The following BRIP1 variants were observed in gnomAD, a reference collection of about 807,000 sequenced individuals.
BRIP1 encodes the protein BRCA1 interacting DNA helicase 1.
Under a neutral mutation model 119.7 loss-of-function variants are expected in BRIP1, and 88 were observed. The ratio of observed to expected loss-of-function variants is 0.74; its 90% confidence interval spans 0.62 to 0.88. The LOEUF (loss-of-function observed/expected upper bound fraction) is 0.88, where lower values mean the gene tolerates loss of function less well. BRIP1 is among the 40% of genes least tolerant of loss of function. The pLI is 0.00. For missense variants in BRIP1, 1,259 were observed against 1,455.4 expected (o/e 0.87, Z 2.20); for synonymous variants, 443 against 496.5 (o/e 0.89, Z 1.43).
Position 61,775,703 on chromosome 17 carries a change from C to T in BRIP1, c.2097+698G>A, listed in dbSNP as rs1021068667. Among the ~76,000 whole-genome samples, 4 of 151,938 alleles carry T rather than the reference C, an allele frequency of 2.6e-5. No homozygotes were observed. The highest frequency in any genetic ancestry group is 2.1e-4 in the South Asian group (1 of 4,820). On this transcript the variant is annotated intron_variant, in intron 14 of 19. Coordinates refer to ENST00000259008, the MANE Select transcript of BRIP1 (RefSeq NM_032043.3). The surrounding 1 kb of genome is among the most constrained non-coding windows in gnomAD (Gnocchi z 4.4). ...GATACATGAAGTAAAATGAGGGCAA[C>T]GAAGAAAGTTTGGCTTAGATTAACT...
chr17:61,765,379 T>TTATATATATA (rs1287538931), intron 14 of BRIP1, among the ~76,000 whole-genome samples: 7 of 37,744 alleles, frequency 1.9e-4, no homozygotes, highest in African/African-American at 3.3e-4. Context: ...TGTGTATATA[T>TTATATATATA]TATATATATA....
rs1009186085 is a variant in BRIP1, at chr17:61,757,090, T to C, written c.2098-12499A>G. On this transcript the variant is annotated intron_variant, in intron 14 of 19. Coordinates refer to ENST00000259008, the MANE Select transcript of BRIP1 (RefSeq NM_032043.3). This position sits in a 1 kb window ranked among gnomAD's most constrained non-coding sequence, Gnocchi z 4.3. ...TTTACTTTCTTTTATTCAGTTGATA[T>C]GTACCCATATGTGGCATATGTTAGA... 1.3e-5 allele frequency among the ~76,000 whole-genome samples: 2 copies of C among 152,242 alleles called. No individual in the cohort carries two copies. Among genetic ancestry groups the C allele is most frequent in the African/African-American group, 4.8e-5 (2 of 41,466 alleles).
At chr17:61,850,445 T>C (rs1214337155) in intron 4 of BRIP1, among the ~76,000 whole-genome samples, 3 of 151,880 alleles carry the variant, frequency 2.0e-5, no homozygotes, top group African/African-American at 4.8e-5. Context: ...CCAGACACCA[T>C]GGAAAAACAG....
At position 61,740,958 on chromosome 17, in the gene BRIP1, AGATTTCTCT is replaced by A. The variant is rs2076979192; in HGVS notation, c.2379+2046_2379+2054del. Among the ~76,000 whole-genome samples, 1 of 152,134 alleles carries A rather than the reference AGATTTCTCT, an allele frequency of 6.6e-6. No individual in the cohort carries two copies. The highest frequency in any genetic ancestry group is 1.5e-5 in the Non-Finnish European group (1 of 68,018). ...ATCATGTGACTCTTCCTTTCACAAT[AGATTTCTCT>A]GTGGCATAAGATGCTCTTTGATAGC... On this transcript the variant is annotated intron_variant, in intron 16 of 19. Coordinates refer to ENST00000259008, the MANE Select transcript of BRIP1 (RefSeq NM_032043.3). This position sits in a 1 kb window ranked among gnomAD's most constrained non-coding sequence, Gnocchi z 5.4.
Position 61,722,675 on chromosome 17 carries a change from C to T in BRIP1, c.2380-6612G>A, listed in dbSNP as rs9913108. ...TGATACATTATAGTGGTCACTGTTC[C>T]GAAGACAACAGTTGCTCTAGGACGT... On this transcript the variant is annotated intron_variant, in intron 16 of 19. Transcript: ENST00000259008. The surrounding 1 kb of genome is among the most constrained non-coding windows in gnomAD (Gnocchi z 4.6). Among the ~76,000 whole-genome samples, 6,153 of 152,100 alleles carry T rather than the reference C, an allele frequency of 0.04. 460 individuals are homozygous for T. The highest frequency in any genetic ancestry group is 0.14 in the African/African-American group (5,838 of 41,482).
At position 61,827,146 on chromosome 17, in the gene BRIP1, T is replaced by A. The variant is rs1214898401; in HGVS notation, c.628-18389A>T. Among the ~76,000 whole-genome samples the A allele has an allele frequency of 1.3e-5, 2 of 152,194 alleles. No individual in the cohort carries two copies. Among genetic ancestry groups the A allele is most frequent in the Non-Finnish European group, 2.9e-5 (2 of 68,026 alleles). On this transcript the variant is annotated intron_variant, in intron 6 of 19. Coordinates refer to ENST00000259008, the MANE Select transcript of BRIP1 (RefSeq NM_032043.3). This position sits in a 1 kb window ranked among gnomAD's most constrained non-coding sequence, Gnocchi z 5.8. ...AAACTTAGATAGAGCTGGAGACCAT[T>A]ATCCTTAGCAAACTAATGCAGGAAC...
rs1043612540 is a variant in BRIP1, at chr17:61,689,847, CA to C, written c.2575+3582del. On this transcript the variant is annotated intron_variant, in intron 18 of 19. Transcript: ENST00000259008. The surrounding 1 kb of genome is among the most constrained non-coding windows in gnomAD (Gnocchi z 4.5). ...GCAACATAGTGAGACCCCATCTCTA[CA>C]AAAAAAATTAAAAATTAGCCAGGTC... 1.3e-5 allele frequency among the ~76,000 whole-genome samples: 2 copies of C among 151,684 alleles called. No individual in the cohort carries two copies. The highest frequency in any genetic ancestry group is 2.4e-5 in the African/African-American group (1 of 41,294).
rs2144384310 is a variant in BRIP1 at position 61,716,062 on chromosome 17, A to G, written c.2381T>C (p.Val794Ala). Residue 794 changes from valine to alanine, a missense_variant and splice_region_variant, in exon 17 of 20, where the codon GTT becomes GCT. By Grantham distance (64) the Val-to-Ala change is moderately conservative. This residue lies in a region of BRIP1 where 753 missense variants were observed against 891.8 expected (regional missense o/e 0.84). Coordinates refer to ENST00000259008, the MANE Select transcript of BRIP1 (RefSeq NM_032043.3). ...GTCATTGTATTGTCGTTTTAGTTCA[A>G]CCTAATAATTTTAAAATATATTTAA... Reference protein sequence around the residue: ...IPFPNVKDLQVELKRQYNDHH... With the variant: ...IPFPNVKDLQAELKRQYNDHH... 6.4e-7 allele frequency: 1 copy of G among 1,561,778 alleles called. No homozygotes were observed. The highest frequency in any genetic ancestry group is 1.2e-5 in the South Asian group (1 of 82,288).
At chr17:61,772,174 TA>T (rs2077460674) in intron 14 of BRIP1, among the ~76,000 whole-genome samples, 1 of 58,084 alleles carries the variant, frequency 1.7e-5, no homozygotes, top group African/African-American at 7.1e-5. Context: ...TATATATATA[TA>T]TATATATATA....
At position 61,806,761 on chromosome 17, in the gene BRIP1, G is replaced by A. The variant is rs562587968; in HGVS notation, c.918+1706C>T. 1.3e-5 allele frequency among the ~76,000 whole-genome samples: 2 copies of A among 152,172 alleles called. No individual in the cohort carries two copies. Among genetic ancestry groups the A allele is most frequent in the African/African-American group, 4.8e-5 (2 of 41,456 alleles). ...TGCCCAGGCTGCAGTGCAGTGGCGC[G>A]ATCTTGGCTCACTGCAACCTCTGCC... is the stretch of plus-strand genomic sequence containing the variant. On this transcript the variant is annotated intron_variant, in intron 7 of 19. Coordinates refer to ENST00000259008, the MANE Select transcript of BRIP1 (RefSeq NM_032043.3). The surrounding 1 kb of genome is among the most constrained non-coding windows in gnomAD (Gnocchi z 4.9).
chr17:61,805,829 C>A lies in BRIP1; in HGVS notation c.918+2638G>T, dbSNP rs558209725. ...ACAATTCTGAAAGCTTACCTTTATA[C>A]AAAATGATCACTAAAGTGCCTTTAG... On this transcript the variant is annotated intron_variant, in intron 7 of 19. Coordinates refer to ENST00000259008, the MANE Select transcript of BRIP1 (RefSeq NM_032043.3). The surrounding 1 kb of genome is among the most constrained non-coding windows in gnomAD (Gnocchi z 5.6). Among the ~76,000 whole-genome samples the A allele has an allele frequency of 6.6e-6, 1 of 152,212 alleles. No homozygotes were observed. The highest frequency in any genetic ancestry group is 1.9e-4 in the East Asian group (1 of 5,190).
In BRIP1 at chr17:61,824,982, C is replaced by T. The variant is rs2078382535; in HGVS notation, c.628-16225G>A. Among the ~76,000 whole-genome samples the T allele has an allele frequency of 6.6e-6, 1 of 152,156 alleles. No individual in the cohort carries two copies. The highest frequency in any genetic ancestry group is 1.5e-5 in the Non-Finnish European group (1 of 68,032). ...AAGCTAGAAGCATTTCCCCTGAAAA[C>T]CAGCACAAGAAAAGGAAGCCCGGCC... On this transcript the variant is annotated intron_variant, in intron 6 of 19. Transcript: ENST00000259008. This position sits in a 1 kb window ranked among gnomAD's most constrained non-coding sequence, Gnocchi z 4.3.
In BRIP1 at chr17:61,795,650, A is replaced by G. The variant is rs544599532; in HGVS notation, c.1341-1921T>C. Reference sequence around the variant, plus strand: ...GTAACCACATTTTCTTTATCCATTCATCTGTTGATGGACATTTAGGCTGCT... The same window carrying G: ...GTAACCACATTTTCTTTATCCATTCGTCTGTTGATGGACATTTAGGCTGCT... On this transcript the variant is annotated intron_variant, in intron 9 of 19. Transcript: ENST00000259008. The surrounding 1 kb of genome is among the most constrained non-coding windows in gnomAD (Gnocchi z 5.6). Among the ~76,000 whole-genome samples the G allele has an allele frequency of 3.3e-5, 5 of 152,270 alleles. No individual in the cohort carries two copies. The highest frequency in any genetic ancestry group is 4.1e-4 in the South Asian group (2 of 4,832).
In BRIP1 at chr17:61,683,380, T is replaced by G. The variant is rs1170304369; in HGVS notation, c.3666A>C (p.Glu1222Asp). The G allele has an allele frequency of 6.2e-7, 1 of 1,612,886 alleles. No individual in the cohort carries two copies. The highest frequency in any genetic ancestry group is 8.5e-7 in the Non-Finnish European group (1 of 1,179,442). Reference sequence around the variant, plus strand: ...TTTCTATTTCATGAGTTTTTCCCAGTTCCAGTTCATTTATCCAAGTTGTTT... The same window carrying G: ...TTTCTATTTCATGAGTTTTTCCCAGGTCCAGTTCATTTATCCAAGTTGTTT... The part of the protein sequence containing the change: ...NVKTTWINEL[E>D]LGKTHEIEIK... Residue 1222 changes from glutamate to aspartate, a missense_variant, in exon 20 of 20, where the codon GAA becomes GAC. Coordinates refer to ENST00000259008, the MANE Select transcript of BRIP1 (RefSeq NM_032043.3). The surrounding 1 kb of genome is among the most constrained non-coding windows in gnomAD (Gnocchi z 4.7).
At chr17:61,837,394 G>T (rs928077330) in intron 6 of BRIP1, among the ~76,000 whole-genome samples, 1 of 152,144 alleles carries the variant, frequency 6.6e-6, no homozygotes, top group Non-Finnish European at 1.5e-5. Flanking sequence ...TTAACACTTT[G>T]TAAGAAGGTC....
In BRIP1 at chr17:61,680,613, G is replaced by A. The variant is rs1442140325; in HGVS notation, c.*2683C>T. Among the ~76,000 whole-genome samples, 2 of 150,790 alleles carry A rather than the reference G, an allele frequency of 1.3e-5. No individual in the cohort carries two copies. The highest frequency in any genetic ancestry group is 2.9e-5 in the Non-Finnish European group (2 of 67,798). On this transcript the variant is annotated 3_prime_UTR_variant, in exon 20 of 20. Coordinates refer to ENST00000259008, the MANE Select transcript of BRIP1 (RefSeq NM_032043.3). ...TCCTGCCTCAGCCTCCTGAGTAGCT[G>A]GGACTACAGGCGCCCGCCACCACGC...
intron 18 of BRIP1, among the ~76,000 whole-genome samples, chr17:61,692,950 T>C (rs894238788): frequency 1.3e-5 from 2 of 152,110 alleles, no homozygotes; most frequent in Admixed American, 1.3e-4. Context: ...CCAATATCCA[T>C]GAGGGGGAAA....
Position 61,774,712 on chromosome 17 carries a change from G to A in BRIP1, c.2097+1689C>T, listed in dbSNP as rs1324388359. Among the ~76,000 whole-genome samples the A allele has an allele frequency of 3.3e-5, 5 of 152,240 alleles. No individual in the cohort carries two copies. The highest frequency in any genetic ancestry group is 1.3e-4 in the Admixed American group (2 of 15,276). Reference sequence around the variant, plus strand: ...AACTCAATTGGAACAAAGTATATTCGAAGGATTTCCTGTGTCTTTATTTTT... The same window carrying A: ...AACTCAATTGGAACAAAGTATATTCAAAGGATTTCCTGTGTCTTTATTTTT... On this transcript the variant is annotated intron_variant, in intron 14 of 19. Coordinates refer to ENST00000259008, the MANE Select transcript of BRIP1 (RefSeq NM_032043.3). This position sits in a 1 kb window ranked among gnomAD's most constrained non-coding sequence, Gnocchi z 5.8.
Position 61,713,092 on chromosome 17 carries a change from G to A in BRIP1, c.2492+2859C>T, listed in dbSNP as rs2061804481. On this transcript the variant is annotated intron_variant, in intron 17 of 19. Coordinates refer to ENST00000259008, the MANE Select transcript of BRIP1 (RefSeq NM_032043.3). The surrounding 1 kb of genome is among the most constrained non-coding windows in gnomAD (Gnocchi z 4.9). ...GGAGCTGAAAAATTCCTATCACCTA[G>A]TGATGTCACCATTGTAACATTATAG... Among the ~76,000 whole-genome samples, 1 of 152,126 alleles carries A rather than the reference G, an allele frequency of 6.6e-6. No individual in the cohort carries two copies. The highest frequency in any genetic ancestry group is 1.5e-5 in the Non-Finnish European group (1 of 68,018).
Sources: allele counts gnomAD v4.1 joint callset (sites outside exome capture counted in the v4.1 genomes callset), GRCh38; gene constraint gnomAD v4.1.1; regional missense constraint gnomAD v4.1.1; non-coding constraint Gnocchi (gnomAD v3.1); transcripts MANE v1.5; gene names NCBI Gene and HGNC (gene_info 2026-07-23, HGNC 2026-07-21).